FAM124A: variants seen among roughly 807,000 people sequenced by gnomAD.
FAM124A encodes the protein protein FAM124A.
A neutral mutation model predicts 24.5 loss-of-function variants in FAM124A; 23 were observed. The observed-to-expected ratio is 0.94, with a 90% CI of 0.68 to 1.33. The LOEUF is 1.33. FAM124A is among the 40% of genes most tolerant of loss of function. The pLI is 0.00. For synonymous variants in FAM124A, 287 were observed against 314.7 expected (o/e 0.91, Z 0.93); for missense variants, 623 against 722.8 (o/e 0.86, Z 1.58).
chr13:51,274,622 T>C (rs1001546590), intron 3 of FAM124A, among the ~76,000 whole-genome samples: 4 of 152,206 alleles, frequency 2.6e-5, no homozygotes, highest in Non-Finnish European at 5.9e-5. Context: ...ATAATATTTA[T>C]TGGTATTTAT....
chr13:51,245,497 G>T, intron 2 of FAM124A: 1 of 452,654 alleles, frequency 2.2e-6, no homozygotes, highest in South Asian at 4.9e-5. Context: ...TCTACAGCTC[G>T]AATTTTCAGA....
At chr13:51,241,194 C>T (rs566090508) in intron 2 of FAM124A, among the ~76,000 whole-genome samples, 16 of 152,338 alleles carry the variant, frequency 1.1e-4, no homozygotes, top group African/African-American at 3.6e-4. Flanking sequence ...CTGCCATCCT[C>T]CCTGAAGCAG....
At chr13:51,237,786 T>C (rs959836629) in intron 2 of FAM124A, among the ~76,000 whole-genome samples, 2 of 132,838 alleles carry the variant, frequency 1.5e-5, no homozygotes. Flanking sequence ...GCATGGGGCA[T>C]CTTGTATACC....
intron 3 of FAM124A, among the ~76,000 whole-genome samples, chr13:51,265,316 TA>T (rs1375885747): frequency 7.9e-5 from 12 of 152,174 alleles, no homozygotes; most frequent in African/African-American, 2.9e-4. Context: ...GAGGAGCTGG[TA>T]CCCTTTGCCA....
intron 2 of FAM124A, among the ~76,000 whole-genome samples, chr13:51,236,570 A>T (rs1416376958): frequency 6.6e-6 from 1 of 152,284 alleles, no homozygotes. Context: ...AAAGCAACAC[A>T]TGGAAAAGAC....
chr13:51,275,446 T>C (rs1954877730), intron 3 of FAM124A, among the ~76,000 whole-genome samples: 1 of 152,076 alleles, frequency 6.6e-6, no homozygotes, highest in South Asian at 2.1e-4. Flanking sequence ...TAAATGACTT[T>C]AAAAAGAACT....
At chr13:51,255,948 G>A (rs576241842) in intron 3 of FAM124A, among the ~76,000 whole-genome samples, 1 of 152,350 alleles carries the variant, frequency 6.6e-6, no homozygotes, top group East Asian at 1.9e-4. Context: ...TTCCCAGCCA[G>A]GTTCCTGGAG....
chr13:51,247,616 T>C (rs1396325081), intron 2 of FAM124A, among the ~76,000 whole-genome samples: 2 of 152,322 alleles, frequency 1.3e-5, no homozygotes, highest in East Asian at 1.9e-4. Context: ...CATGGTGTTT[T>C]TCCCCCCTCA....
chr13:51,273,249 G>A (rs1954855148), intron 3 of FAM124A, among the ~76,000 whole-genome samples: 3 of 152,234 alleles, frequency 2.0e-5, no homozygotes, highest in African/African-American at 7.2e-5. Flanking sequence ...TTGTCACAAC[G>A]GGGAGGTAGC....
chr13:51,225,406 A>C (rs895047905), intron 1 of FAM124A: 3 of 152,224 alleles, frequency 2.0e-5, no homozygotes, highest in African/African-American at 4.8e-5. Flanking sequence ...CTACTGTTCT[A>C]AGCCTTTATG....
At position 51,278,213 on chromosome 13, in the gene FAM124A, C is replaced by T. The variant is rs1954902504; in HGVS notation, c.835-2237C>T. Among the ~76,000 whole-genome samples the T allele has an allele frequency of 2.6e-5, 4 of 152,178 alleles. No homozygotes were observed. In the South Asian group the frequency reaches 8.3e-4, roughly 32 times the overall value. ...AGAGCTGAAAGCCAGGGGGAGGCTTCCATGCGAGGAGGATTCAGGTTCCTG... is the reference window on the plus strand; with the variant it reads ...AGAGCTGAAAGCCAGGGGGAGGCTTTCATGCGAGGAGGATTCAGGTTCCTG... On this transcript the variant is annotated intron_variant, in intron 3 of 3. Coordinates refer to ENST00000322475, the MANE Select transcript of FAM124A (RefSeq NM_001242312.2).
intron 1 of FAM124A, among the ~76,000 whole-genome samples, chr13:51,229,364 C>T (rs577252551): frequency 1.3e-5 from 2 of 152,320 alleles, no homozygotes; most frequent in East Asian, 1.9e-4. Flanking sequence ...GGGCCCAACC[C>T]GGTGGTGCCC....
intron 1 of FAM124A, among the ~76,000 whole-genome samples, chr13:51,230,136 T>C (rs1336027915): frequency 6.6e-6 from 1 of 152,214 alleles, no homozygotes; most frequent in Non-Finnish European, 1.5e-5. Context: ...TGTTGGTAGT[T>C]GTTATTCTTT....
At chr13:51,234,853 G>C in intron 2 of FAM124A, among the ~76,000 whole-genome samples, 1 of 152,256 alleles carries the variant, frequency 6.6e-6, no homozygotes, top group East Asian at 1.9e-4. Flanking sequence ...CCTATAGGTC[G>C]GTCACAGTAG....
chr13:51,275,334 T>C (rs1470547578), intron 3 of FAM124A, among the ~76,000 whole-genome samples: 2 of 152,096 alleles, frequency 1.3e-5, no homozygotes, highest in African/African-American at 4.8e-5. Context: ...GCTATAATCG[T>C]GCCACTGCAC....
intron 2 of FAM124A, among the ~76,000 whole-genome samples, chr13:51,243,584 G>A (rs7986905): frequency 0.68 from 103,244 of 151,826 alleles, 35,868 homozygotes; most frequent in South Asian, 0.78. Flanking sequence ...CCCAGGCTGG[G>A]GTGCAATGGT....
chr13:51,272,981 CT>C lies in FAM124A; in HGVS notation c.835-7462del, dbSNP rs79106708. On this transcript the variant is annotated intron_variant, in intron 3 of 3. Coordinates refer to ENST00000322475, the MANE Select transcript of FAM124A (RefSeq NM_001242312.2). The surrounding 1 kb of genome is among the most constrained non-coding windows in gnomAD (Gnocchi z 4.2). Reference sequence around the variant, plus strand: ...TGACACTTGGATAAGGGTAAAACCTCTTTTTTTCCCCCATTATAAGCTTTGT... The same window carrying C: ...TGACACTTGGATAAGGGTAAAACCTCTTTTTTCCCCCATTATAAGCTTTGT... 2.3e-3 allele frequency among the ~76,000 whole-genome samples: 357 copies of C among 152,276 alleles called. 1 individual carries two copies. The highest frequency in any genetic ancestry group is 8.2e-3 in the African/African-American group (340 of 41,544).
At chr13:51,231,269 C>T in intron 1 of FAM124A, 79 bp from the exon 2 acceptor site, 2 of 1,509,644 alleles carry the variant, frequency 1.3e-6, no homozygotes, top group East Asian at 2.3e-5. Context: ...ATGCTACTTA[C>T]CACTGACTGT....
rs57063612 is a variant in FAM124A, at chr13:51,266,594, T to G, written c.835-13856T>G. On this transcript the variant is annotated intron_variant, in intron 3 of 3. Transcript: ENST00000322475. ...AGTTTATAGCAATTGTAAAAATGTCTGTAAGTCAGAATGGAAGTGGCAAGG... is the reference window on the plus strand; with the variant it reads ...AGTTTATAGCAATTGTAAAAATGTCGGTAAGTCAGAATGGAAGTGGCAAGG... 6.9e-4 allele frequency among the ~76,000 whole-genome samples: 105 copies of G among 152,306 alleles called. 1 individual carries two copies. The East Asian group carries it at 0.018, about 27-fold the overall frequency.
Sources: gnomAD v4.1 joint callset for allele counts (sites outside exome capture counted in the v4.1 genomes callset) on GRCh38, gnomAD v4.1.1 for gene constraint, Gnocchi (gnomAD v3.1) non-coding constraint, MANE v1.5 for transcripts, NCBI Gene and HGNC (gene_info 2026-07-23, HGNC 2026-07-21) for gene names.